The following LRP1B variants were observed in gnomAD, a reference collection of about 807,000 sequenced individuals.
The protein encoded by LRP1B is LDL receptor related protein 1B.
LRP1B carries 217 observed loss-of-function variants against 556.6 expected under a neutral mutation model. The ratio of observed to expected loss-of-function variants is 0.39; its 90% CI spans 0.35 to 0.44. The LOEUF (loss-of-function observed/expected upper bound fraction) is 0.44, where lower values mean the gene tolerates loss of function less well. Ranked by LOEUF, LRP1B falls within the 20% of genes least tolerant of loss-of-function variation. The pLI is 1.00. For missense variants in LRP1B, 5,053 were observed against 5,620.8 expected, an observed-to-expected ratio of 0.90 and a Z score of 3.23; for synonymous variants, 2,047 against 1,865.8, an observed-to-expected ratio of 1.10 and a Z score of -2.50.
chr2:140,317,471 G>A (rs553578441), intron 82 of LRP1B, among the ~76,000 whole-genome samples: 5 of 152,168 alleles, frequency 3.3e-5, no homozygotes, highest in South Asian at 2.1e-4. Flanking sequence ...ACAATTAGGT[G>A]GGAACACAAG....
At chr2:141,055,479 A>C (rs749508076) in intron 9 of LRP1B, among the ~76,000 whole-genome samples, 1 of 151,990 alleles carries the variant, frequency 6.6e-6, no homozygotes, top group Non-Finnish European at 1.5e-5. Context: ...CATTTAAAAA[A>C]AATTCTAAGA....
At chr2:141,581,389 A>G (rs1399579886) in intron 2 of LRP1B, among the ~76,000 whole-genome samples, 1 of 152,198 alleles carries the variant, frequency 6.6e-6, no homozygotes, top group Non-Finnish European at 1.5e-5. Flanking sequence ...TGATACATAC[A>G]GATATTGATT....
chr2:142,088,865 C>T (rs992646705), intron 1 of LRP1B, among the ~76,000 whole-genome samples: 1 of 150,978 alleles, frequency 6.6e-6, no homozygotes, highest in African/African-American at 2.4e-5. Flanking sequence ...GTCCCAGCTA[C>T]TCGGGAGGCT....
rs554069790 is a variant in LRP1B, at chr2:140,749,508, T to C, written c.5758+19705A>G. Among the ~76,000 whole-genome samples, 139 of 152,308 alleles carry C rather than the reference T, an allele frequency of 9.1e-4. 1 individual carries two copies. The highest frequency in any genetic ancestry group is 3.3e-3 in the African/African-American group (136 of 41,548). ...CTGTTTTAAAATTTATTGATTTATT[T>C]TACTTTTAAAACTTTTTTGTTAAAA... On this transcript the variant is annotated intron_variant, in intron 35 of 90. Coordinates refer to ENST00000389484, the MANE Select transcript of LRP1B (RefSeq NM_018557.3).
chr2:141,149,219 G>C (rs1244597762), intron 7 of LRP1B, among the ~76,000 whole-genome samples: 2 of 151,500 alleles, frequency 1.3e-5, no homozygotes, highest in African/African-American at 4.9e-5. Flanking sequence ...TGTTTTTTTG[G>C]TGGTGGTGGT....
rs536005277 is a variant in LRP1B at position 140,485,529 on chromosome 2, A to G, written c.9244-5T>C. ...GACCGCTGTGTTATGAACTACCTAC[A>G]AAACAAGAATTTAAAAGGTTAACAG... is the stretch of plus-strand genomic sequence containing the variant. On this transcript the variant is annotated splice_polypyrimidine_tract_variant and splice_region_variant and intron_variant, in intron 58 of 90. Transcript: ENST00000389484. 1 of 1,606,328 alleles carries G rather than the reference A, an allele frequency of 6.2e-7. No individual in the cohort carries two copies. Among genetic ancestry groups the G allele is most frequent in the East Asian group, 2.2e-5 (1 of 44,804 alleles).
intron 7 of LRP1B, among the ~76,000 whole-genome samples, chr2:141,083,296 G>A (rs543663825): frequency 3.0e-4 from 45 of 151,436 alleles, no homozygotes; most frequent in African/African-American, 9.2e-4. Context: ...ACATGGAGAA[G>A]GCATAAAAAT....
At chr2:140,968,305 A>C (rs376856151) in intron 18 of LRP1B, among the ~76,000 whole-genome samples, 2 of 151,712 alleles carry the variant, frequency 1.3e-5, no homozygotes, top group East Asian at 3.9e-4. Context: ...TAGATTTTCT[A>C]GTTTATTTGC....
At chr2:140,749,382 T>C (rs1688492809) in intron 35 of LRP1B, among the ~76,000 whole-genome samples, 1 of 151,514 alleles carries the variant, frequency 6.6e-6, no homozygotes, top group Non-Finnish European at 1.5e-5. Flanking sequence ...AAACATTTTT[T>C]TTTTACTCTT....
chr2:140,587,117 T>C (rs1682017181), intron 43 of LRP1B, among the ~76,000 whole-genome samples: 1 of 152,018 alleles, frequency 6.6e-6, no homozygotes, highest in African/African-American at 2.4e-5. Context: ...ATGGAAGATG[T>C]GTCAGTAAAC....
chr2:140,869,675 G>A (rs576580231), intron 25 of LRP1B, among the ~76,000 whole-genome samples: 1 of 152,046 alleles, frequency 6.6e-6, no homozygotes, highest in Non-Finnish European at 1.5e-5. Flanking sequence ...GAATTGTCAG[G>A]ACTAGCTGAT....
At chr2:140,606,430 A>T (rs1259788246) in intron 41 of LRP1B, among the ~76,000 whole-genome samples, 1 of 152,074 alleles carries the variant, frequency 6.6e-6, no homozygotes, top group Admixed American at 6.6e-5. Context: ...TATTATGAAG[A>T]TGACAATTCT....
chr2:140,903,545 A>G (rs534974001), intron 22 of LRP1B, among the ~76,000 whole-genome samples: 2 of 152,202 alleles, frequency 1.3e-5, no homozygotes, highest in East Asian at 3.9e-4. Flanking sequence ...AGATGTACAT[A>G]CCATGATGAT....
chr2:141,702,050 C>G (rs1396117109), intron 2 of LRP1B, among the ~76,000 whole-genome samples: 1 of 151,758 alleles, frequency 6.6e-6, no homozygotes, highest in African/African-American at 2.4e-5. Context: ...CAGGCACAAT[C>G]CCTGATGATA....
rs563974342 is a variant in LRP1B at position 140,966,639 on chromosome 2, T to C, written c.2888-14699A>G. On this transcript the variant is annotated intron_variant, in intron 18 of 90. Coordinates refer to ENST00000389484, the MANE Select transcript of LRP1B (RefSeq NM_018557.3). Reference sequence around the variant, plus strand: ...GCCCATGCCTATGTCCTAAATGGTATTGCCTAGCTTTTCTTCTAGAGTTTT... The same window carrying C: ...GCCCATGCCTATGTCCTAAATGGTACTGCCTAGCTTTTCTTCTAGAGTTTT... Among the ~76,000 whole-genome samples the C allele has an allele frequency of 4.6e-5, 7 of 152,336 alleles. No homozygotes were observed. The South Asian group carries it at 1.4e-3, about 32-fold the overall frequency.
chr2:140,310,016 T>C (rs1432083913), intron 83 of LRP1B, among the ~76,000 whole-genome samples: 2 of 151,856 alleles, frequency 1.3e-5, no homozygotes, highest in African/African-American at 2.4e-5. Flanking sequence ...AAACTCTTGC[T>C]GAGTGTTTCA....
intron 1 of LRP1B, among the ~76,000 whole-genome samples, chr2:141,830,688 A>G (rs1000957746): frequency 2.0e-5 from 3 of 151,622 alleles, no homozygotes; most frequent in African/African-American, 7.3e-5. Context: ...TTAAATAAGG[A>G]AAAAAAATGT....
At chr2:140,873,832 T>G (rs1362329884) in intron 25 of LRP1B, among the ~76,000 whole-genome samples, 3 of 151,820 alleles carry the variant, frequency 2.0e-5, no homozygotes, top group Non-Finnish European at 4.4e-5. Context: ...TTTAAACAGG[T>G]GAAAAATTTT....
chr2:140,874,800 A>T (rs1171679688), intron 25 of LRP1B, among the ~76,000 whole-genome samples: 1 of 151,578 alleles, frequency 6.6e-6, no homozygotes, highest in Non-Finnish European at 1.5e-5. Context: ...GGATGGATCA[A>T]CTGAGGTCAG....
Sources: gnomAD v4.1 joint callset for allele counts (sites outside exome capture counted in the v4.1 genomes callset) on GRCh38, gnomAD v4.1.1 for gene constraint, MANE v1.5 for transcripts, NCBI Gene and HGNC (gene_info 2026-07-23, HGNC 2026-07-21) for gene names.